AKR1E2: variants seen among roughly 807,000 people sequenced by gnomAD.
AKR1E2 encodes aldo-keto reductase family 1 member E2.
AKR1E2 carries 43 observed loss-of-function variants against 41.9 expected under a neutral mutation model. The ratio of observed to expected loss-of-function variants is 1.03; its 90% CI spans 0.80 to 1.32. The LOEUF (loss-of-function observed/expected upper bound fraction) is 1.32. Among genes scored for constraint, AKR1E2 ranks in the 40% most tolerant of loss-of-function variants. The pLI is 0.00. For missense variants in AKR1E2, 423 were observed against 396.5 expected, an observed-to-expected ratio of 1.07 and a Z score of -0.57; for synonymous variants, 121 against 138.9, an observed-to-expected ratio of 0.87 and a Z score of 0.91.
At chr10:4,827,965 A>G (rs966117410) in intron 1 of AKR1E2, among the ~76,000 whole-genome samples, 1 of 152,070 alleles carries the variant, frequency 6.6e-6, no homozygotes, top group East Asian at 1.9e-4. Context: ...AAAATATTCT[A>G]TTTATTTTTC....
chr10:4,825,239 C>T (rs1335158934), upstream of AKR1E2, among the ~76,000 whole-genome samples: 1 of 152,172 alleles, frequency 6.6e-6, no homozygotes, highest in Non-Finnish European at 1.5e-5. Flanking sequence ...AGCGCCTCCC[C>T]TGATGGCCAG....
chr10:4,853,307 C>G, the AKR1E2 span, among the ~76,000 whole-genome samples: 1 of 152,122 alleles, frequency 6.6e-6, no homozygotes, highest in Non-Finnish European at 1.5e-5. Context: ...AAACCCCAGC[C>G]TCATAAATTA....
the AKR1E2 span, among the ~76,000 whole-genome samples, chr10:4,853,733 A>C: frequency 6.6e-6 from 1 of 152,238 alleles, no homozygotes; most frequent in African/African-American, 2.4e-5. Flanking sequence ...GAGTAAAATG[A>C]GACTGAGACC....
chr10:4,830,665 G>A lies in AKR1E2; in HGVS notation c.40-10G>A, dbSNP rs1196899139. 2 of 1,613,156 alleles carry A rather than the reference G, an allele frequency of 1.2e-6. No individual in the cohort carries two copies. Among genetic ancestry groups the A allele is most frequent in the Non-Finnish European group, 8.5e-7 (1 of 1,179,352 alleles). On this transcript the variant is annotated splice_polypyrimidine_tract_variant and intron_variant, in intron 1 of 9. Transcript: ENST00000298375. ...CTGTGAGAAGACACTTTGTTTTGTT[G>A]GTTTTGCAGGCTTCTCCAGGGAAAG...
At chr10:4,839,854 C>A in intron 6 of AKR1E2, 28 bp downstream of exon 6, 1 of 1,587,294 alleles carries the variant, frequency 6.3e-7, no homozygotes, top group South Asian at 1.1e-5. Flanking sequence ...GTGTGTTAGT[C>A]AGAGTCCGAC....
chr10:4,827,619 A>C (rs1331795610), intron 1 of AKR1E2, among the ~76,000 whole-genome samples: 1 of 152,218 alleles, frequency 6.6e-6, no homozygotes, highest in Non-Finnish European at 1.5e-5. Context: ...AAAAAAAGCT[A>C]AACTTAGTTG....
the AKR1E2 span, among the ~76,000 whole-genome samples, chr10:4,855,329 T>C: frequency 1.3e-5 from 2 of 152,244 alleles, no homozygotes; most frequent in Admixed American, 1.3e-4. Flanking sequence ...CTTTCTGTAT[T>C]GTTCTGTCAT....
rs367705405 is a variant in AKR1E2, at chr10:4,839,939, G to A, written c.680+113G>A. On this transcript the variant is annotated intron_variant, in intron 6 of 9. Coordinates refer to ENST00000298375, the MANE Select transcript of AKR1E2 (RefSeq NM_001040177.3). ...CTTAATGGAGGTTTTGACAGGGTGTGGAGGGATGGTACTATAGGGGGCTGT... is the reference window on the plus strand; with the variant it reads ...CTTAATGGAGGTTTTGACAGGGTGTAGAGGGATGGTACTATAGGGGGCTGT... 1.3e-4 allele frequency: 124 copies of A among 971,324 alleles called. 1 individual carries two copies. Among genetic ancestry groups the A allele is most frequent in the African/African-American group, 9.3e-4 (58 of 62,692 alleles). The allele number at this position is 971,324 out of a possible 1,614,324, so 60.2% of individuals were successfully genotyped here.
intron 8 of AKR1E2, among the ~76,000 whole-genome samples, chr10:4,842,905 C>T (rs1357756140): frequency 1.3e-5 from 2 of 151,958 alleles, no homozygotes; most frequent in African/African-American, 2.4e-5. Context: ...CCACCTCTGT[C>T]GCATGGAGGC....
chr10:4,847,741 G>T lies in AKR1E2; in HGVS notation c.*211G>T, dbSNP rs1834434409. The T allele has an allele frequency of 1.7e-6, 1 of 592,980 alleles. No homozygotes were observed. 36.7% of individuals were successfully genotyped at this position (592,980 alleles called of 1,614,324 possible). ...CAATGGGGTTTCTCCAAGACAGCCT[G>T]TGTGGCCTCTACTCTGAACAAATAC... On this transcript the variant is annotated 3_prime_UTR_variant, in exon 10 of 10. Transcript: ENST00000298375.
At chr10:4,845,230 A>G (rs1834237606) in intron 8 of AKR1E2, among the ~76,000 whole-genome samples, 2 of 152,106 alleles carry the variant, frequency 1.3e-5, no homozygotes, top group African/African-American at 4.8e-5. Flanking sequence ...CACCAAGCCC[A>G]CACCCACCCG....
At chr10:4,843,571 G>A (rs1453795694) in intron 8 of AKR1E2, among the ~76,000 whole-genome samples, 1 of 152,222 alleles carries the variant, frequency 6.6e-6, no homozygotes, top group Non-Finnish European at 1.5e-5. Context: ...ACAAGGCACT[G>A]CTGCATCCTG....
chr10:4,830,863 G>T, intron 2 of AKR1E2, 21 bp downstream of exon 2: 1 of 1,613,500 alleles, frequency 6.2e-7, no homozygotes, highest in Non-Finnish European at 8.5e-7. Context: ...TCTATGCAAG[G>T]CTGGCAGAGC....
At chr10:4,864,468 A>G in the AKR1E2 span, among the ~76,000 whole-genome samples, 2 of 152,100 alleles carry the variant, frequency 1.3e-5, no homozygotes, top group South Asian at 2.1e-4. Context: ...TCTCAAAATA[A>G]TAAGAGCTAT....
the AKR1E2 span, among the ~76,000 whole-genome samples, chr10:4,853,137 A>G: frequency 1.3e-5 from 2 of 152,240 alleles, no homozygotes; most frequent in Admixed American, 6.5e-5. Context: ...TATAGTAACC[A>G]GAGCCAAACT....
rs1554757309 is a variant in AKR1E2, at chr10:4,841,887, T to C, written c.753+30T>C. 8 of 1,602,046 alleles carry C rather than the reference T, an allele frequency of 5.0e-6. 1 individual carries two copies. In the South Asian group the frequency reaches 9.0e-5, roughly 18 times the overall value. On this transcript the variant is annotated intron_variant, in intron 7 of 9. Transcript: ENST00000298375. ...GGAGGGAGGGCTGTTCTGAGCCAGG[T>C]GGGGTTCTCTGACCGCTCTACATCC...
the AKR1E2 span, among the ~76,000 whole-genome samples, chr10:4,864,306 A>G: frequency 6.6e-5 from 10 of 152,236 alleles, no homozygotes; most frequent in Non-Finnish European, 2.9e-5. Context: ...CTGGTTCAAC[A>G]TATGCAAATC....
Position 4,847,593 on chromosome 10 carries a change from C to A in AKR1E2, c.*63C>A, listed in dbSNP as rs1834427863. On this transcript the variant is annotated 3_prime_UTR_variant, in exon 10 of 10. Coordinates refer to ENST00000298375, the MANE Select transcript of AKR1E2 (RefSeq NM_001040177.3). ...GCACAGACACTATTGGCAATGTTGA[C>A]CCTCCTCTGTCATCACAGCGCCAGG... 3 of 1,577,712 alleles carry A rather than the reference C, an allele frequency of 1.9e-6. No individual in the cohort carries two copies. The African/African-American group carries it at 4.1e-5, about 21-fold the overall frequency.
the AKR1E2 span, among the ~76,000 whole-genome samples, chr10:4,855,048 A>G: frequency 6.6e-6 from 1 of 152,276 alleles, no homozygotes; most frequent in African/African-American, 2.4e-5. Flanking sequence ...TTGAGAGCTG[A>G]TGGGACTGCT....
Sources: allele counts gnomAD v4.1 joint callset (sites outside exome capture counted in the v4.1 genomes callset), GRCh38; gene constraint gnomAD v4.1.1; transcripts MANE v1.5; gene names NCBI Gene and HGNC (gene_info 2026-07-23, HGNC 2026-07-21).